Variants in PINX1 observed in about 807,000 individuals in gnomAD.
PINX1 encodes the protein PIN2 (TERF1) interacting telomerase inhibitor 1.
A neutral mutation model predicts 25.4 loss-of-function variants in PINX1; 34 were observed. The ratio of observed to expected loss-of-function variants is 1.34; its 90% CI spans 1.02 to 1.78. The LOEUF (loss-of-function observed/expected upper bound fraction) is 1.78, where lower values mean the gene tolerates loss of function less well. Ranked by LOEUF, PINX1 falls within the 40% of genes most tolerant of loss-of-function variation. The probability of loss-of-function intolerance (pLI) is 0.00; values close to 1 mark genes in which losing one functional copy is unlikely to be tolerated. For missense variants in PINX1, 592 were observed against 404.9 expected (o/e 1.46, Z -3.97); for synonymous variants, 197 against 147.7 (o/e 1.33, Z -2.42).
chr8:10,825,575 A>T (rs1210737286), intron 5 of PINX1: 1 of 414,802 alleles, frequency 2.4e-6, no homozygotes, highest in Non-Finnish European at 4.9e-6. Flanking sequence ...GGGGCTAGGG[A>T]GGTGGTGATG....
At chr8:10,790,408 G>C (rs1295721216) in intron 6 of PINX1, among the ~76,000 whole-genome samples, 1 of 152,194 alleles carries the variant, frequency 6.6e-6, no homozygotes, top group African/African-American at 2.4e-5. Flanking sequence ...CGAGCGATGA[G>C]ATGACAGGCA....
chr8:10,820,933 AT>A (rs1306629280), intron 5 of PINX1, among the ~76,000 whole-genome samples: 1 of 152,220 alleles, frequency 6.6e-6, no homozygotes, highest in African/African-American at 2.4e-5. Context: ...AAATGGCTCT[AT>A]GGTTCTTATT....
At chr8:10,787,716 T>C in intron 6 of PINX1, 1 of 437,318 alleles carries the variant, frequency 2.3e-6, no homozygotes, top group Non-Finnish European at 4.5e-6. Context: ...CAGTGTACGG[T>C]CTCTTTACGA....
chr8:10,833,293 G>A (rs1798282328), intron 2 of PINX1, among the ~76,000 whole-genome samples: 1 of 152,218 alleles, frequency 6.6e-6, no homozygotes, highest in Admixed American at 6.5e-5. Flanking sequence ...AAGGAAGTAG[G>A]ATGACGGAGG....
At chr8:10,793,191 T>TA (rs1446996320) in intron 6 of PINX1, among the ~76,000 whole-genome samples, 3 of 152,214 alleles carry the variant, frequency 2.0e-5, no homozygotes, top group Non-Finnish European at 4.4e-5. Flanking sequence ...CCCAAGTCTG[T>TA]AACTCCTAGT....
At chr8:10,818,217 C>T (rs915957662) in intron 6 of PINX1, among the ~76,000 whole-genome samples, 1 of 152,124 alleles carries the variant, frequency 6.6e-6, no homozygotes, top group African/African-American at 2.4e-5. Context: ...ACACAAAACA[C>T]GATGTTGCAT....
At chr8:10,813,860 C>G (rs371804052) in intron 6 of PINX1, among the ~76,000 whole-genome samples, 1 of 142,966 alleles carries the variant, frequency 7.0e-6, no homozygotes, top group Admixed American at 7.4e-5. Flanking sequence ...CGGAAACAAG[C>G]TGGAGAGAGG....
intron 3 of PINX1, 97 bp downstream of exon 3, chr8:10,832,795 A>AC (rs1798261852): frequency 1.5e-6 from 1 of 674,366 alleles, no homozygotes; most frequent in Non-Finnish European, 2.6e-6. Context: ...GAAGTGCTGC[A>AC]CCAATGGTCA....
intron 6 of PINX1, among the ~76,000 whole-genome samples, chr8:10,817,195 G>A (rs1474452994): frequency 1.3e-5 from 2 of 152,140 alleles, no homozygotes; most frequent in Non-Finnish European, 2.9e-5. Flanking sequence ...TTAGTGGCCC[G>A]CACTACCACG....
intron 6 of PINX1, among the ~76,000 whole-genome samples, chr8:10,794,124 T>C (rs555813409): frequency 3.4e-4 from 52 of 152,354 alleles, no homozygotes; most frequent in African/African-American, 1.2e-3. Flanking sequence ...TTCATTAATT[T>C]TTCTCTTCAA....
At position 10,808,133 on chromosome 8, in the gene PINX1, C is replaced by T. The variant is rs146532153; in HGVS notation, c.471+12060G>A. ...TTAGCAGGGTACGATATTTACATAG[C>T]AATAAAAATATAAACCCCAAATAAC... is the stretch of plus-strand genomic sequence containing the variant. On this transcript the variant is annotated intron_variant, in intron 6 of 6. Transcript: ENST00000314787. Among the ~76,000 whole-genome samples the T allele has an allele frequency of 1.8e-3, 270 of 152,226 alleles. 1 individual carries two copies. Among genetic ancestry groups the T allele is most frequent in the African/African-American group, 6.1e-3 (252 of 41,534 alleles).
intron 6 of PINX1, among the ~76,000 whole-genome samples, chr8:10,784,407 C>G (rs1215256560): frequency 6.6e-6 from 1 of 152,158 alleles, no homozygotes; most frequent in African/African-American, 2.4e-5. Flanking sequence ...AAAGCTGATA[C>G]TCTACTTACA....
chr8:10,769,825 C>T (rs1801169689), intron 6 of PINX1, among the ~76,000 whole-genome samples: 1 of 152,200 alleles, frequency 6.6e-6, no homozygotes, highest in South Asian at 2.1e-4. Context: ...CTAGCTCCCA[C>T]CTCATGGACT....
At chr8:10,828,587 C>T (rs927739257) in intron 4 of PINX1, among the ~76,000 whole-genome samples, 1 of 152,150 alleles carries the variant, frequency 6.6e-6, no homozygotes, top group Non-Finnish European at 1.5e-5. Context: ...GCTCTCTCAG[C>T]CTTGAGAGGG....
intron 6 of PINX1, among the ~76,000 whole-genome samples, chr8:10,811,871 C>T (rs760955267): frequency 4.1e-4 from 62 of 152,310 alleles, no homozygotes; most frequent in Non-Finnish European, 5.9e-5. Context: ...AAGCAAGTTC[C>T]AGGCCCACCT....
intron 6 of PINX1, among the ~76,000 whole-genome samples, chr8:10,792,802 T>TGGCATAGC (rs1485201320): frequency 6.6e-6 from 1 of 152,232 alleles, no homozygotes; most frequent in African/African-American, 2.4e-5. Context: ...GTATTCCTCA[T>TGGCATAGC]GGCATAGCTG....
At chr8:10,825,679 G>A (rs1798016355) in intron 5 of PINX1, among the ~76,000 whole-genome samples, 1 of 152,160 alleles carries the variant, frequency 6.6e-6, no homozygotes. Flanking sequence ...GAGAAATTAC[G>A]TGGAATAAAG....
At chr8:10,772,372 G>A (rs1464597666) in intron 6 of PINX1, among the ~76,000 whole-genome samples, 1 of 152,234 alleles carries the variant, frequency 6.6e-6, no homozygotes, top group African/African-American at 2.4e-5. Flanking sequence ...GCCGTTCGTT[G>A]GAAAGCCTGC....
chr8:10,821,656 G>A (rs1263219528), intron 5 of PINX1, among the ~76,000 whole-genome samples: 1 of 152,232 alleles, frequency 6.6e-6, no homozygotes, highest in Non-Finnish European at 1.5e-5. Context: ...AAACTCATCG[G>A]AGGTGTAGAG....
Sources: allele counts gnomAD v4.1 joint callset (sites outside exome capture counted in the v4.1 genomes callset), GRCh38; gene constraint gnomAD v4.1.1; transcripts MANE v1.5; gene names NCBI Gene and HGNC (gene_info 2026-07-23, HGNC 2026-07-21).